ULK4: variants seen among roughly 807,000 people sequenced by gnomAD.
ULK4 encodes the protein inactive serine/threonine-protein kinase ULK4.
ULK4 carries 133 observed loss-of-function variants against 160.6 expected under a neutral mutation model. The observed-to-expected ratio is 0.83, with a 90% CI of 0.72 to 0.96. The LOEUF is 0.96. ULK4 is among the 40% of genes least tolerant of loss of function. The probability of loss-of-function intolerance (pLI) is 0.00; values close to 1 mark genes in which losing one functional copy is unlikely to be tolerated. For synonymous variants in ULK4, 534 were observed against 539.8 expected (o/e 0.99, Z 0.15); for missense variants, 1,580 against 1,499.5 (o/e 1.05, Z -0.89).
chr3:41,469,752 T>C (rs746268192), intron 32 of ULK4, among the ~76,000 whole-genome samples: 21 of 150,266 alleles, frequency 1.4e-4, no homozygotes, highest in Middle Eastern at 3.4e-3. Flanking sequence ...GCTCCAACAA[T>C]AGACCCTAAA....
rs1263879965 is a variant in ULK4, at chr3:41,448,561, A to T, written c.3492+6936T>A. Among the ~76,000 whole-genome samples, 3 of 152,176 alleles carry T rather than the reference A, an allele frequency of 2.0e-5. No homozygotes were observed. The East Asian group carries it at 5.8e-4, about 29-fold the overall frequency. ...AGGATGAGTTTTGTATTTTGGAAAG[A>T]ACACTCTGACTGTACCATGGAGAAG... On this transcript the variant is annotated intron_variant, in intron 34 of 36. Coordinates refer to ENST00000301831, the MANE Select transcript of ULK4 (RefSeq NM_017886.4).
At chr3:41,326,773 T>C (rs2080346613) in intron 35 of ULK4, among the ~76,000 whole-genome samples, 1 of 152,186 alleles carries the variant, frequency 6.6e-6, no homozygotes, top group Admixed American at 6.5e-5. Context: ...TGAGAAATGG[T>C]CTTGACAGTG....
At chr3:41,267,027 G>A (rs534943792) in intron 35 of ULK4, among the ~76,000 whole-genome samples, 3 of 140,862 alleles carry the variant, frequency 2.1e-5, no homozygotes, top group Non-Finnish European at 4.6e-5. Flanking sequence ...TTGGGGGGGG[G>A]GGGTTTAAGG....
chr3:41,541,582 G>C (rs917287534), intron 32 of ULK4, among the ~76,000 whole-genome samples: 1 of 152,188 alleles, frequency 6.6e-6, no homozygotes, highest in African/African-American at 2.4e-5. Flanking sequence ...ATGGTAGCTT[G>C]ATGGGGATAG....
chr3:41,621,458 T>C (rs1301953673), intron 30 of ULK4, among the ~76,000 whole-genome samples: 1 of 151,774 alleles, frequency 6.6e-6, no homozygotes, highest in Non-Finnish European at 1.5e-5. Flanking sequence ...AGAAATAACA[T>C]CACCCATCTA....
intron 32 of ULK4, among the ~76,000 whole-genome samples, chr3:41,492,228 G>C (rs1451604614): frequency 1.3e-5 from 2 of 152,072 alleles, no homozygotes; most frequent in Admixed American, 6.5e-5. Flanking sequence ...ATGATTTATA[G>C]TCCTTTGGGT....
chr3:41,581,173 T>TC (rs559864844), intron 31 of ULK4, among the ~76,000 whole-genome samples: 1 of 152,010 alleles, frequency 6.6e-6, no homozygotes, highest in Non-Finnish European at 1.5e-5. Flanking sequence ...CTTTCTTCAC[T>TC]CCCCCAAGGA....
chr3:41,481,594 G>A (rs894972593), intron 32 of ULK4, among the ~76,000 whole-genome samples: 15 of 151,956 alleles, frequency 9.9e-5, no homozygotes, highest in African/African-American at 3.4e-4. Flanking sequence ...TTGGGAGGCC[G>A]AGGCGGGCGG....
At chr3:41,683,424 G>T (rs974192159) in intron 27 of ULK4, among the ~76,000 whole-genome samples, 1 of 151,768 alleles carries the variant, frequency 6.6e-6, no homozygotes, top group Admixed American at 6.6e-5. Flanking sequence ...CTCCTCTGTG[G>T]AGGGAGGCAT....
intron 18 of ULK4, among the ~76,000 whole-genome samples, chr3:41,825,988 G>A (rs556230229): frequency 6.6e-6 from 1 of 152,334 alleles, no homozygotes; most frequent in Non-Finnish European, 1.5e-5. Flanking sequence ...AGCCAGAAGA[G>A]AGTGGGGACC....
chr3:41,581,314 T>C (rs185791474), intron 31 of ULK4, among the ~76,000 whole-genome samples: 8 of 152,142 alleles, frequency 5.3e-5, no homozygotes, highest in South Asian at 2.1e-4. Context: ...TTTTGCCATA[T>C]AGAATGGAAA....
intron 35 of ULK4, among the ~76,000 whole-genome samples, chr3:41,396,108 C>T (rs955445557): frequency 2.0e-5 from 3 of 151,948 alleles, no homozygotes; most frequent in Admixed American, 1.3e-4. Context: ...TCTGAAAATC[C>T]AAACTTTTTT....
At chr3:41,923,154 G>A (rs996118118) in intron 5 of ULK4, among the ~76,000 whole-genome samples, 1 of 151,702 alleles carries the variant, frequency 6.6e-6, no homozygotes, top group Non-Finnish European at 1.5e-5. Flanking sequence ...AGCAACAAGA[G>A]CAAGACTCTG....
intron 35 of ULK4, among the ~76,000 whole-genome samples, chr3:41,342,551 A>G (rs2080709096): frequency 6.6e-6 from 1 of 152,248 alleles, no homozygotes; most frequent in Non-Finnish European, 1.5e-5. Context: ...AACCAAAAAA[A>G]GCCCAGGACC....
intron 27 of ULK4, among the ~76,000 whole-genome samples, chr3:41,701,783 G>T (rs1575585377): frequency 1.3e-5 from 2 of 152,194 alleles, no homozygotes; most frequent in East Asian, 3.9e-4. Context: ...ATCATGAGGG[G>T]ACTAAGTGGA....
chr3:41,472,573 G>GAAAAAAAAAAAAAAAAAAA (rs796797629), intron 32 of ULK4, among the ~76,000 whole-genome samples: 1 of 89,588 alleles, frequency 1.1e-5, no homozygotes. Context: ...TCAAAAAAAA[G>GAAAAAAAAAAAAAAAAAAA]AAAAAAAAAA....
At chr3:41,253,620 C>T (rs928858505) in intron 35 of ULK4, among the ~76,000 whole-genome samples, 2 of 151,896 alleles carry the variant, frequency 1.3e-5, no homozygotes, top group Non-Finnish European at 2.9e-5. Flanking sequence ...AATAAAAACA[C>T]TGAACCTAAT....
At chr3:41,387,615 T>C (rs532806611) in intron 35 of ULK4, among the ~76,000 whole-genome samples, 7 of 152,260 alleles carry the variant, frequency 4.6e-5, no homozygotes, top group East Asian at 3.9e-4. Context: ...TGAGTGAGAA[T>C]ACGCGGTGTT....
At chr3:41,439,826 T>A (rs1160839689) in intron 34 of ULK4, among the ~76,000 whole-genome samples, 3 of 152,212 alleles carry the variant, frequency 2.0e-5, no homozygotes, top group Non-Finnish European at 2.9e-5. Context: ...AGAACTAGCA[T>A]CTTAACAATA....
Sources: allele counts gnomAD v4.1 joint callset (sites outside exome capture counted in the v4.1 genomes callset), GRCh38; gene constraint gnomAD v4.1.1; transcripts MANE v1.5; gene names NCBI Gene and HGNC (gene_info 2026-07-23, HGNC 2026-07-21).